The following BANP variants were observed in gnomAD, a reference collection of about 807,000 sequenced individuals.
BANP encodes the protein protein BANP.
A neutral mutation model predicts 68.1 loss-of-function variants in BANP; 11 were observed. The ratio of observed to expected loss-of-function variants is 0.16; its 90% CI spans 0.10 to 0.27. BANP has a LOEUF of 0.27. Ranked by LOEUF, BANP falls within the 10% of genes least tolerant of loss-of-function variation. BANP has a pLI of 1.00. For missense variants in BANP, 504 were observed against 722.7 expected (o/e 0.70, Z 3.47); for synonymous variants, 329 against 303.2 (o/e 1.09, Z -0.88).
At position 87,976,484 on chromosome 16, in the gene BANP, T is replaced by TTTTTTTTC. The variant is rs1342786973; in HGVS notation, c.70+1304_70+1305insTTCTTTTT. Among the ~76,000 whole-genome samples, 4 of 150,024 alleles carry TTTTTTTTC rather than the reference T, an allele frequency of 2.7e-5. No individual in the cohort carries two copies. The East Asian group carries it at 5.8e-4, about 22-fold the overall frequency. On this transcript the variant is annotated intron_variant, in intron 2 of 13. Transcript: ENST00000682872. Reference sequence around the variant, plus strand: ...TTATTGTTTTAAAAAGTTTTTTTTTTTTTTTGGCCATAAAGTAGTATATGT... The same window carrying TTTTTTTTC: ...TTATTGTTTTAAAAAGTTTTTTTTTTTTTTTTTCTTTTTGGCCATAAAGTAGTATATGT...
intron 4 of BANP, among the ~76,000 whole-genome samples, chr16:87,984,534 G>A (rs2063915868): frequency 6.6e-6 from 1 of 152,212 alleles, no homozygotes; most frequent in African/African-American, 2.4e-5. Context: ...CCAGATCTTA[G>A]AAAATGTACA....
At chr16:88,052,187 G>T (rs7404883) in intron 11 of BANP, among the ~76,000 whole-genome samples, 1 of 152,112 alleles carries the variant, frequency 6.6e-6, no homozygotes, top group Admixed American at 6.5e-5. Context: ...AGAAAGATAC[G>T]TAAGAGGTCA....
At chr16:87,987,132 G>T (rs1471199210) in intron 4 of BANP, among the ~76,000 whole-genome samples, 2 of 152,132 alleles carry the variant, frequency 1.3e-5, no homozygotes, top group Admixed American at 6.5e-5. Context: ...AGGCTGGAGT[G>T]CAGTGGCGCG....
chr16:87,971,230 T>A lies in BANP; in HGVS notation c.-68-3818T>A, dbSNP rs148262704. On this transcript the variant is annotated intron_variant, in intron 1 of 13. Transcript: ENST00000682872. ...CCAATTCCTCCCAGTTTCAAGCAGT[T>A]ACATTGTGTCTGCGTTTAGCACATA... Among the ~76,000 whole-genome samples the A allele has an allele frequency of 8.9e-4, 127 of 143,350 alleles. 1 individual carries two copies. The highest frequency in any genetic ancestry group is 3.1e-3 in the African/African-American group (125 of 39,826). The allele number at this position is 143,350 out of a possible 152,430, so 94.0% of individuals were successfully genotyped here. A position where few individuals can be genotyped will look rare whatever the true frequency, so the allele number is the denominator to read the frequency against.
At chr16:88,049,717 T>A (rs78594291) in intron 11 of BANP, among the ~76,000 whole-genome samples, 1 of 151,834 alleles carries the variant, frequency 6.6e-6, no homozygotes, top group African/African-American at 2.4e-5. Context: ...TTCAGAGGGT[T>A]TTTCAGGTGG....
In BANP at chr16:88,057,530, G is replaced by T. The variant is rs11863583; in HGVS notation, c.1312-7737G>T. 0.097 allele frequency among the ~76,000 whole-genome samples: 14,810 copies of T among 151,920 alleles called. 1,342 individuals carry two copies. The highest frequency in any genetic ancestry group is 0.24 in the African/African-American group (10,039 of 41,358). ...ACGAGGAGTGAAAAACACCCCTCAG[G>T]TCGCTTCATGCTGATTCTGTTTAGG... is the stretch of plus-strand genomic sequence containing the variant. On this transcript the variant is annotated intron_variant, in intron 11 of 13. Coordinates refer to ENST00000682872, the MANE Select transcript of BANP (RefSeq NM_001386991.1). The surrounding 1 kb of genome is among the most constrained non-coding windows in gnomAD (Gnocchi z 4.6).
At position 88,039,660 on chromosome 16, in the gene BANP, A is replaced by G. The variant is rs1471421555; in HGVS notation, c.1311+1649A>G. On this transcript the variant is annotated intron_variant, in intron 11 of 13. Coordinates refer to ENST00000682872, the MANE Select transcript of BANP (RefSeq NM_001386991.1). ...TTGTAGACAGAATTCTCCCAACTTT[A>G]TTGTGGGGACAGAGATTCCAGCTTT... Among the ~76,000 whole-genome samples, 2 of 142,322 alleles carry G rather than the reference A, an allele frequency of 1.4e-5. 1 individual carries two copies. Among genetic ancestry groups the G allele is most frequent in the Non-Finnish European group, 3.2e-5 (2 of 63,010 alleles). The allele number at this position is 142,322 out of a possible 152,430, so 93.4% of individuals were successfully genotyped here.
chr16:87,986,754 G>C (rs2064537416), intron 4 of BANP, among the ~76,000 whole-genome samples: 1 of 152,178 alleles, frequency 6.6e-6, no homozygotes, highest in Non-Finnish European at 1.5e-5. Flanking sequence ...ACCTGCGGTG[G>C]TTGTCTGTCT....
intron 7 of BANP, among the ~76,000 whole-genome samples, chr16:88,020,827 G>A (rs1191444837): frequency 6.6e-6 from 1 of 152,206 alleles, no homozygotes; most frequent in African/African-American, 2.4e-5. Context: ...CGGGCTTTCA[G>A]GGCATTGGCT....
At position 88,071,282 on chromosome 16, in the gene BANP, GC is replaced by G; in HGVS notation, c.1378-786del. The G allele has an allele frequency of 2.8e-6, 1 of 363,628 alleles. No individual in the cohort carries two copies. Among genetic ancestry groups the G allele is most frequent in the South Asian group, 2.0e-5 (1 of 48,846 alleles). The allele number at this position is 363,628 out of a possible 1,614,324, so 22.5% of individuals were successfully genotyped here. A position where few individuals can be genotyped will look rare whatever the true frequency, so the allele number is the denominator to read the frequency against. On this transcript the variant is annotated intron_variant, in intron 12 of 13. Transcript: ENST00000682872. The surrounding 1 kb of genome is among the most constrained non-coding windows in gnomAD (Gnocchi z 6.5). ...GTGGCTCATGTCAAGTGCCCTCAGGGCTGGGGCTGCCCACCCGCCTGCCTGG... is the reference window on the plus strand; with the variant it reads ...GTGGCTCATGTCAAGTGCCCTCAGGGTGGGGCTGCCCACCCGCCTGCCTGG...
At position 88,004,239 on chromosome 16, in the gene BANP, C is replaced by G; in HGVS notation, c.363-56C>G. On this transcript the variant is annotated intron_variant, in intron 4 of 13. Transcript: ENST00000682872. This position sits in a 1 kb window ranked among gnomAD's most constrained non-coding sequence, Gnocchi z 7.0. ...TTGAATGACTCTTATGTGCTCTTAC[C>G]ATGAATGTTGTTGTTTTAAGGCCTT... The G allele has an allele frequency of 9.4e-7, 1 of 1,059,380 alleles. No homozygotes were observed. Among genetic ancestry groups the G allele is most frequent in the Non-Finnish European group, 1.4e-6 (1 of 703,144 alleles). The allele number at this position is 1,059,380 out of a possible 1,614,324, so 65.6% of individuals were successfully genotyped here. A position where few individuals can be genotyped will look rare whatever the true frequency, so the allele number is the denominator to read the frequency against.
chr16:88,004,340 C>T lies in BANP; in HGVS notation c.408C>T (p.Asn136=). ...TTVILNNDRQ[N]AIVAKMEDPL... ...TAATACTCAACAATGATCGGCAGAACGCCATTGTAGCCAAGATGGAAGACC... is the reference window on the plus strand; with the variant it reads ...TAATACTCAACAATGATCGGCAGAATGCCATTGTAGCCAAGATGGAAGACC... The change falls in exon 5 of 14, where the codon AAC becomes AAT. Residue 136 remains asparagine (N), a synonymous_variant. Transcript: ENST00000682872. The surrounding 1 kb of genome is among the most constrained non-coding windows in gnomAD (Gnocchi z 7.0). 6.5e-6 allele frequency: 10 copies of T among 1,550,270 alleles called. No individual in the cohort carries two copies. Among genetic ancestry groups the T allele is most frequent in the Admixed American group, 2.0e-5 (1 of 51,002 alleles).
At chr16:88,063,724 C>A (rs2087596420) in intron 11 of BANP, among the ~76,000 whole-genome samples, 2 of 152,186 alleles carry the variant, frequency 1.3e-5, no homozygotes, top group African/African-American at 4.8e-5. Context: ...TCATGGCATC[C>A]TGACCGTGAT....
chr16:88,023,457 C>T (rs541440559), intron 7 of BANP, among the ~76,000 whole-genome samples: 15 of 97,016 alleles, frequency 1.5e-4, no homozygotes, highest in South Asian at 4.1e-4. Context: ...TGGCTTCCAT[C>T]GGGCAGAGGC....
At chr16:87,980,131 C>G (rs1268263379) in intron 2 of BANP, among the ~76,000 whole-genome samples, 1 of 152,176 alleles carries the variant, frequency 6.6e-6, no homozygotes, top group Non-Finnish European at 1.5e-5. Context: ...ACAGTTCACA[C>G]TGTCATTTCA....
chr16:87,961,507 C>T (rs1017353103), intron 1 of BANP, among the ~76,000 whole-genome samples: 6 of 150,896 alleles, frequency 4.0e-5, no homozygotes, highest in Non-Finnish European at 7.4e-5. Flanking sequence ...AACAACATAT[C>T]GGAGCAGACC....
intron 2 of BANP, among the ~76,000 whole-genome samples, chr16:87,975,815 A>G (rs1406915542): frequency 8.6e-5 from 8 of 92,892 alleles, no homozygotes; most frequent in African/African-American, 2.4e-4. Flanking sequence ...GTGCGGCGTC[A>G]TGGAACCTTA....
At position 88,071,549 on chromosome 16, in the gene BANP, T is replaced by G. The variant is rs545168274; in HGVS notation, c.1378-520T>G. 2.2e-6 allele frequency: 1 copy of G among 456,774 alleles called. No homozygotes were observed. Among genetic ancestry groups the G allele is most frequent in the African/African-American group, 2.0e-5 (1 of 50,222 alleles). 28.3% of individuals were successfully genotyped at this position (456,774 alleles called of 1,614,324 possible). The stretch of plus-strand genomic sequence containing the variant: ...ACTGGGCCTCACTTTCCTGCGAGCT[T>G]CTGCTGGGTTCTCAGTGCCCACCAG... On this transcript the variant is annotated intron_variant, in intron 12 of 13. Transcript: ENST00000682872. The surrounding 1 kb of genome is among the most constrained non-coding windows in gnomAD (Gnocchi z 6.5).
intron 1 of BANP, among the ~76,000 whole-genome samples, chr16:87,964,641 G>A (rs953113237): frequency 1.3e-5 from 2 of 152,206 alleles, no homozygotes; most frequent in Non-Finnish European, 1.5e-5. Context: ...CCTGGCACGT[G>A]TTTTTATGTG....
Sources: gnomAD v4.1 joint callset for allele counts (sites outside exome capture counted in the v4.1 genomes callset) on GRCh38, gnomAD v4.1.1 for gene constraint, Gnocchi (gnomAD v3.1) non-coding constraint, MANE v1.5 for transcripts, NCBI Gene and HGNC (gene_info 2026-07-23, HGNC 2026-07-21) for gene names.